LRP1B: variants seen among roughly 807,000 people sequenced by gnomAD.
LRP1B encodes the protein LDL receptor related protein 1B.
A neutral mutation model predicts 556.6 loss-of-function variants in LRP1B; 217 were observed. That is an observed-to-expected ratio of 0.39 (90% CI 0.35 to 0.44). LRP1B has a LOEUF of 0.44. Ranked by LOEUF, LRP1B falls within the 20% of genes least tolerant of loss-of-function variation. LRP1B has a pLI of 1.00. For synonymous variants in LRP1B, 2,047 were observed against 1,865.8 expected, an observed-to-expected ratio of 1.10 and a Z score of -2.50; for missense variants, 5,053 against 5,620.8, an observed-to-expected ratio of 0.90 and a Z score of 3.23.
At chr2:141,864,482 C>T (rs1698342415) in intron 1 of LRP1B, among the ~76,000 whole-genome samples, 1 of 151,522 alleles carries the variant, frequency 6.6e-6, no homozygotes, top group Non-Finnish European at 1.5e-5. Context: ...AATGTGCACT[C>T]AGCAACAGTG....
chr2:141,310,014 T>G (rs1686752292), intron 3 of LRP1B, among the ~76,000 whole-genome samples: 1 of 152,132 alleles, frequency 6.6e-6, no homozygotes, highest in Non-Finnish European at 1.5e-5. Flanking sequence ...TCTAAGACAT[T>G]TTGTTAAGGC....
At chr2:141,309,501 G>T (rs925427158) in intron 3 of LRP1B, among the ~76,000 whole-genome samples, 6 of 152,184 alleles carry the variant, frequency 3.9e-5, no homozygotes, top group African/African-American at 1.4e-4. Flanking sequence ...AAGCCATGAG[G>T]ATTCCACTCT....
chr2:141,921,002 T>C (rs1455782718), intron 1 of LRP1B, among the ~76,000 whole-genome samples: 2 of 152,032 alleles, frequency 1.3e-5, no homozygotes, highest in African/African-American at 4.8e-5. Flanking sequence ...CATTCCTTCA[T>C]CCTACCCCTA....
intron 3 of LRP1B, among the ~76,000 whole-genome samples, chr2:141,471,238 C>T (rs561700131): frequency 1.5e-4 from 22 of 148,906 alleles, no homozygotes; most frequent in African/African-American, 5.0e-4. Flanking sequence ...ATATAACACC[C>T]TTAAAATACT....
intron 2 of LRP1B, among the ~76,000 whole-genome samples, chr2:141,557,874 A>C (rs1198097600): frequency 6.6e-6 from 1 of 151,830 alleles, no homozygotes; most frequent in Non-Finnish European, 1.5e-5. Context: ...CCATAACCAA[A>C]ACTTAGCAGT....
chr2:140,289,072 T>A (rs1683272127), intron 84 of LRP1B, among the ~76,000 whole-genome samples: 1 of 151,964 alleles, frequency 6.6e-6, no homozygotes, highest in Non-Finnish European at 1.5e-5. Context: ...TAAGCATTCT[T>A]AAAATTTTTT....
intron 1 of LRP1B, among the ~76,000 whole-genome samples, chr2:141,913,220 G>A (rs553405462): frequency 6.2e-4 from 95 of 152,146 alleles, no homozygotes; most frequent in Middle Eastern, 3.4e-3. Context: ...TTTATGTTTC[G>A]TATATTTTGC....
intron 2 of LRP1B, among the ~76,000 whole-genome samples, chr2:141,585,988 G>C (rs185023174): frequency 1.0e-3 from 156 of 152,132 alleles, no homozygotes; most frequent in African/African-American, 3.2e-3. Flanking sequence ...AAGTTGCTGG[G>C]ATTACAGATG....
chr2:142,103,007 C>T (rs956225271), intron 1 of LRP1B, among the ~76,000 whole-genome samples: 1 of 151,808 alleles, frequency 6.6e-6, no homozygotes, highest in Non-Finnish European at 1.5e-5. Flanking sequence ...AAAGGATAAA[C>T]ATGATCCTCT....
intron 20 of LRP1B, among the ~76,000 whole-genome samples, chr2:140,925,234 T>C (rs1694853213): frequency 6.6e-6 from 1 of 152,122 alleles, no homozygotes. Flanking sequence ...CTGTATGACA[T>C]AGCTACTACA....
intron 2 of LRP1B, among the ~76,000 whole-genome samples, chr2:141,644,239 G>A (rs112494762): frequency 6.6e-6 from 1 of 152,020 alleles, no homozygotes; most frequent in Admixed American, 6.6e-5. Flanking sequence ...GGAGGAACCC[G>A]GTGGGAGGTA....
In LRP1B at chr2:141,214,219, A is replaced by G. The variant is rs538304617; in HGVS notation, c.850+14964T>C. Among the ~76,000 whole-genome samples, 20 of 152,322 alleles carry G rather than the reference A, an allele frequency of 1.3e-4. No homozygotes were observed. In the East Asian group the frequency reaches 1.4e-3, roughly 10 times the overall value. On this transcript the variant is annotated intron_variant, in intron 6 of 90. Transcript: ENST00000389484. ...ATTCTCCCAAGCTAGGAGGTGGTCAATTCTTAAACTCTTTCTAACAGAATC... is the reference window on the plus strand; with the variant it reads ...ATTCTCCCAAGCTAGGAGGTGGTCAGTTCTTAAACTCTTTCTAACAGAATC...
rs578014553 is a variant in LRP1B, at chr2:140,812,609, CA to C, written c.5359+1047del. ...AAAAATAATAAAACAACAACAACAT[CA>C]AAAAAAAACCTCACAAACCTGAGAA... On this transcript the variant is annotated intron_variant, in intron 32 of 90. Transcript: ENST00000389484. 5.4e-4 allele frequency among the ~76,000 whole-genome samples: 81 copies of C among 148,720 alleles called. 1 individual carries two copies. Among genetic ancestry groups the C allele is most frequent in the Middle Eastern group, 3.5e-3 (1 of 284 alleles).
chr2:141,085,472 A>G (rs1243621235), intron 7 of LRP1B, among the ~76,000 whole-genome samples: 2 of 152,116 alleles, frequency 1.3e-5, no homozygotes. Context: ...GGAAATGAGG[A>G]CCCACAGACA....
intron 3 of LRP1B, among the ~76,000 whole-genome samples, chr2:141,429,490 C>T (rs1220829651): frequency 6.6e-6 from 1 of 151,720 alleles, no homozygotes; most frequent in Non-Finnish European, 1.5e-5. Flanking sequence ...TATTTTTTTC[C>T]AGCTTTTAAG....
intron 55 of LRP1B, among the ~76,000 whole-genome samples, chr2:140,500,601 T>C (rs1005146624): frequency 6.6e-6 from 1 of 151,982 alleles, no homozygotes; most frequent in African/African-American, 2.4e-5. Flanking sequence ...TTCCAACTCT[T>C]AATTCCGATC....
intron 68 of LRP1B, among the ~76,000 whole-genome samples, chr2:140,376,176 G>T (rs914086185): frequency 9.9e-5 from 15 of 151,974 alleles, no homozygotes; most frequent in African/African-American, 3.1e-4. Context: ...AAAATGTCTG[G>T]ATATATGGAG....
chr2:140,503,431 C>G (rs1477070244), intron 53 of LRP1B, among the ~76,000 whole-genome samples: 2 of 152,022 alleles, frequency 1.3e-5, no homozygotes, highest in East Asian at 1.9e-4. Flanking sequence ...AAAGTGAAAG[C>G]TATTAGAATT....
rs572675334 is a variant in LRP1B, at chr2:140,719,845, C to T, written c.5759-3029G>A. On this transcript the variant is annotated intron_variant, in intron 35 of 90. Coordinates refer to ENST00000389484, the MANE Select transcript of LRP1B (RefSeq NM_018557.3). ...AGAAGAATTAAATCACACATTGATA[C>T]CCAAATCCCTTTCCTTATCAATTTT... Among the ~76,000 whole-genome samples, 193 of 152,086 alleles carry T rather than the reference C, an allele frequency of 1.3e-3. 1 individual carries two copies. Among genetic ancestry groups the T allele is most frequent in the African/African-American group, 4.5e-3 (185 of 41,520 alleles).
Sources: allele counts gnomAD v4.1 joint callset (sites outside exome capture counted in the v4.1 genomes callset), GRCh38; gene constraint gnomAD v4.1.1; transcripts MANE v1.5; gene names NCBI Gene and HGNC (gene_info 2026-07-23, HGNC 2026-07-21).